Variants in ANAPC2 observed in about 807,000 individuals in gnomAD.
ANAPC2 encodes anaphase promoting complex subunit 2, also known as anaphase-promoting complex subunit 2.
ANAPC2 carries 29 observed loss-of-function variants against 84.3 expected under a neutral mutation model. The observed-to-expected ratio is 0.34, with a 90% CI of 0.26 to 0.47. The LOEUF (loss-of-function observed/expected upper bound fraction) is 0.47, where lower values mean the gene tolerates loss of function less well. ANAPC2 is among the 20% of genes least tolerant of loss of function. The probability of loss-of-function intolerance (pLI) is 1.00; values close to 1 mark genes in which losing one functional copy is unlikely to be tolerated. For synonymous variants in ANAPC2, 571 were observed against 479.4 expected (o/e 1.19, Z -2.50); for missense variants, 857 against 1,131.7 (o/e 0.76, Z 3.48).
intron 11 of ANAPC2, 78 bp downstream of exon 11, chr9:137,175,630 C>A (rs1419765421): frequency 1.3e-6 from 2 of 1,540,414 alleles, no homozygotes; most frequent in African/African-American, 2.7e-5. Context: ...CCAAACCACA[C>A]CCTCACTGGG....
rs1564376216 is a variant in ANAPC2 at position 137,180,262 on chromosome 9, G to A, written c.1809C>T (p.Pro603=). The change falls in exon 10 of 13, where the codon CCC becomes CCT. Residue 603 remains proline (P), a synonymous_variant. Coordinates refer to ENST00000323927, the MANE Select transcript of ANAPC2 (RefSeq NM_013366.4). ...GGACCTCCAGCTTCTCGTCCTTGAA[G>A]GGCGGCCAGAACTCACTGGACAGGA... ...AVILSSEFWP[P]FKDEKLEVPE... is the part of the protein sequence containing the mutation. 1 of 1,613,776 alleles carries A rather than the reference G, an allele frequency of 6.2e-7. No individual in the cohort carries two copies. Among genetic ancestry groups the A allele is most frequent in the South Asian group, 1.1e-5 (1 of 91,086 alleles).
chr9:137,177,362 G>A (rs1282200556), intron 10 of ANAPC2, among the ~76,000 whole-genome samples: 3 of 150,222 alleles, frequency 2.0e-5, no homozygotes, highest in African/African-American at 5.0e-5. Context: ...GTGTATGCTT[G>A]TCTTACGGCT....
chr9:137,179,347 C>A (rs981667990), intron 10 of ANAPC2, among the ~76,000 whole-genome samples: 7 of 152,104 alleles, frequency 4.6e-5, no homozygotes. Context: ...ACCCCTTCCT[C>A]CCCGAGCCGA....
In ANAPC2 at chr9:137,181,048, C is replaced by G. The variant is rs1023836184; in HGVS notation, c.1469-119G>C. ...CAGCATGGCTCTTCCTGAAGGCCCTCGAGGCTGGGAGCAGCCCTGAGCCTC... is the reference window on the plus strand; with the variant it reads ...CAGCATGGCTCTTCCTGAAGGCCCTGGAGGCTGGGAGCAGCCCTGAGCCTC... On this transcript the variant is annotated intron_variant, in intron 7 of 12. Coordinates refer to ENST00000323927, the MANE Select transcript of ANAPC2 (RefSeq NM_013366.4). 3.6e-6 allele frequency: 5 copies of G among 1,373,818 alleles called. No individual in the cohort carries two copies. In the African/African-American group the frequency reaches 5.7e-5, roughly 16 times the overall value. 85.1% of individuals were successfully genotyped at this position (1,373,818 alleles called of 1,614,324 possible). A position where few individuals can be genotyped will look rare whatever the true frequency, so the allele number is the denominator to read the frequency against.
intron 9 of ANAPC2, 29 bp from the exon 10 acceptor site, chr9:137,180,413 C>T: frequency 6.2e-7 from 1 of 1,612,590 alleles, no homozygotes; most frequent in Non-Finnish European, 8.5e-7. Flanking sequence ...CACGGGGGAC[C>T]TGCGGGGCGG....
chr9:137,178,992 G>A (rs574395566), intron 10 of ANAPC2, among the ~76,000 whole-genome samples: 139 of 152,288 alleles, frequency 9.1e-4, no homozygotes, highest in African/African-American at 3.1e-3. Context: ...ACTTGCAAAA[G>A]AAAAAGGAAA....
intron 10 of ANAPC2, among the ~76,000 whole-genome samples, chr9:137,179,260 G>A (rs1354816594): frequency 6.6e-6 from 1 of 152,054 alleles, no homozygotes; most frequent in Non-Finnish European, 1.5e-5. Flanking sequence ...CTGAGCACTC[G>A]CTGGGCACAC....
At chr9:137,176,320 G>A (rs1834210320) in intron 10 of ANAPC2, 1 of 153,742 alleles carries the variant, frequency 6.5e-6, no homozygotes, top group Non-Finnish European at 1.4e-5. Flanking sequence ...TCTCTAAGAG[G>A]GTTCAGAGGG....
intron 5 of ANAPC2, 157 bp downstream of exon 5, chr9:137,183,515 C>G: frequency 8.5e-7 from 1 of 1,181,634 alleles, no homozygotes; most frequent in Non-Finnish European, 1.2e-6. Flanking sequence ...ACGGGCACCT[C>G]AGATCCCCTA....
At chr9:137,181,031 C>T in intron 7 of ANAPC2, 102 bp from the exon 8 acceptor site, 1 of 1,482,828 alleles carries the variant, frequency 6.7e-7, no homozygotes. Context: ...CCCAGCATGG[C>T]TCTTCCTGAA....
At chr9:137,181,422 C>A (rs1448714584) in intron 7 of ANAPC2, among the ~76,000 whole-genome samples, 4 of 152,200 alleles carry the variant, frequency 2.6e-5, no homozygotes, top group Non-Finnish European at 4.4e-5. Context: ...GGCAGGGACA[C>A]CCCACAGCTC....
In ANAPC2 at chr9:137,181,724, G is replaced by A. The variant is rs1247414844; in HGVS notation, c.1425C>T (p.Gly475=). 1.2e-6 allele frequency: 2 copies of A among 1,611,714 alleles called. No individual in the cohort carries two copies. The highest frequency in any genetic ancestry group is 1.3e-5 in the African/African-American group (1 of 75,024). The change falls in exon 7 of 13, where the codon GGC becomes GGT. Residue 475 remains glycine (G), a synonymous_variant. Transcript: ENST00000323927. ...ETGQDSEDDS[G]EPEDWVPDPV... is the part of the protein sequence containing the mutation. Reference sequence around the variant, plus strand: ...GGTCCGGGACCCAGTCCTCTGGCTCGCCTGAGTCATCCTCACTGTCCTGGC... The same window carrying A: ...GGTCCGGGACCCAGTCCTCTGGCTCACCTGAGTCATCCTCACTGTCCTGGC...
chr9:137,175,361 C>T lies in ANAPC2; in HGVS notation c.2132G>A (p.Gly711Asp). The change falls in exon 12 of 13, where the codon GGC becomes GAC. Residue 711 changes from glycine to aspartate, a missense_variant. Physicochemically the swap from Gly to Asp is moderately conservative, Grantham distance 94. This residue lies in a region of ANAPC2 where 425 missense variants were observed against 595.5 expected (regional missense o/e 0.71). Coordinates refer to ENST00000323927, the MANE Select transcript of ANAPC2 (RefSeq NM_013366.4). ...QQGVLREEPP[G>D]TFSVIEEERP... ...CTCCTCCTCAATGACAGAGAAGGTG[C>T]CGGGGGGCTCCTCACGCAGCACACC... The T allele has an allele frequency of 6.2e-7, 1 of 1,611,898 alleles. No individual in the cohort carries two copies. The highest frequency in any genetic ancestry group is 8.5e-7 in the Non-Finnish European group (1 of 1,179,612).
At chr9:137,175,583 G>T in intron 11 of ANAPC2, 111 bp from the exon 12 acceptor site, 2 of 1,483,448 alleles carry the variant, frequency 1.3e-6, no homozygotes, top group Admixed American at 2.2e-5. Context: ...CCTTGCCCGT[G>T]GGAAAGGGAA....
intron 5 of ANAPC2, chr9:137,183,453 T>G (rs1834385256): frequency 1.3e-6 from 1 of 780,450 alleles, no homozygotes. Flanking sequence ...TCTCATCACC[T>G]CAGACCTACC....
In ANAPC2 at chr9:137,183,144, G is replaced by A; in HGVS notation, c.1267C>T (p.Pro423Ser). The A allele has an allele frequency of 1.2e-6, 2 of 1,612,816 alleles. No homozygotes were observed. Among genetic ancestry groups the A allele is most frequent in the African/African-American group, 2.7e-5 (2 of 75,028 alleles). ...CCTCACCTCAGGTAGCGGCGGATAG[G>A]CTCACAGGCCACCTCCAGGATGACC... ...SMVILEVACE[P>S]IRRYLRTRED... Residue 423 changes from proline (P) to serine (S), a missense_variant, in exon 6 of 13, where the codon CCT becomes TCT. Pro to Ser is a moderately conservative substitution (Grantham distance 74). Around this residue, in one of 3 missense-constraint regions of ANAPC2, gnomAD observed 425 missense variants for 595.5 expected, o/e 0.71. Transcript: ENST00000323927.
rs535763707 is a variant in ANAPC2, at chr9:137,181,006, A to G, written c.1469-77T>C. On this transcript the variant is annotated intron_variant, in intron 7 of 12. Coordinates refer to ENST00000323927, the MANE Select transcript of ANAPC2 (RefSeq NM_013366.4). ...GGGCCGCCCTCCTCCCATCCCGCCC[A>G]GCCAGACGGCACAGCCCAGCATGGC... is the stretch of plus-strand genomic sequence containing the variant. 10 of 1,562,108 alleles carry G rather than the reference A, an allele frequency of 6.4e-6. No individual in the cohort carries two copies. In the African/African-American group the frequency reaches 1.3e-4, roughly 21 times the overall value.
rs1834506513 is a variant in ANAPC2, at chr9:137,187,651, C to T, written c.570G>A (p.Lys190=). Residue 190 remains lysine, a synonymous_variant, in exon 2 of 13, where the codon AAG becomes AAA. Transcript: ENST00000323927. ...GTTCCGGGTCTGTGCCCCCTTCCCC[C>T]TTCCTCTTACTCTGCATATAGACTC... ...FLRVYMQSKR[K]GEGGTDPELE... 1.2e-6 allele frequency: 2 copies of T among 1,614,012 alleles called. No homozygotes were observed. Among genetic ancestry groups the T allele is most frequent in the African/African-American group, 2.7e-5 (2 of 74,946 alleles).
At chr9:137,188,393 G>A (rs1190058891) in intron 1 of ANAPC2, 23 bp downstream of exon 1, 2 of 1,597,024 alleles carry the variant, frequency 1.3e-6, no homozygotes, top group Non-Finnish European at 8.5e-7. Context: ...GCGCGGGGCC[G>A]CCCCTCTCTT....
Sources: gnomAD v4.1 joint callset for allele counts (sites outside exome capture counted in the v4.1 genomes callset) on GRCh38, gnomAD v4.1.1 for gene constraint, gnomAD v4.1.1 regional missense constraint, MANE v1.5 for transcripts, NCBI Gene and HGNC (gene_info 2026-07-23, HGNC 2026-07-21) for gene names.